OR6K3: variants seen among roughly 807,000 people sequenced by gnomAD.
The protein encoded by OR6K3 is olfactory receptor family 6 subfamily K member 3, also known as olfactory receptor 6K3.
For missense variants in OR6K3, 396 were observed against 382.5 expected, an observed-to-expected ratio of 1.04 and a Z score of -0.29; for synonymous variants, 169 against 137.7, an observed-to-expected ratio of 1.23 and a Z score of -1.59.
At chr1:158,719,574 CT>C (rs1348236741) in intron 1 of OR6K3, among the ~76,000 whole-genome samples, 1 of 151,938 alleles carries the variant, frequency 6.6e-6, no homozygotes, top group Non-Finnish European at 1.5e-5. Flanking sequence ...TAACATATCT[CT>C]CCCTCCTCTG....
Position 158,717,683 on chromosome 1 carries a change from A to C in OR6K3, c.433T>G (p.Ser145Ala). 1 of 1,613,856 alleles carries C rather than the reference A, an allele frequency of 6.2e-7. No individual in the cohort carries two copies. The highest frequency in any genetic ancestry group is 8.5e-7 in the Non-Finnish European group (1 of 1,179,862). ...IMTPRLCAQL[S>A]AGSCLFGFLI... ...AAACCGAAGAGGCAGGAACCTGCAG[A>C]GAGTTGAGCACAGAGCCGGGGGGTC... The change falls in exon 2 of 2, where the codon TCT becomes GCT. Residue 145 changes from serine (S) to alanine (A), a missense_variant. Coordinates refer to ENST00000368145, the MANE Select transcript of OR6K3 (RefSeq NM_001005327.3).
At chr1:158,722,251 A>C (rs1656295919), upstream of OR6K3, among the ~76,000 whole-genome samples, 1 of 152,054 alleles carries the variant, frequency 6.6e-6, no homozygotes. Flanking sequence ...AAAAATAAGA[A>C]TATTAAATAT....
upstream of OR6K3, chr1:158,724,711 G>A (rs556590305): frequency 1.8e-5 from 4 of 225,686 alleles, no homozygotes; most frequent in Non-Finnish European, 3.8e-5. Flanking sequence ...AATGGCCATG[G>A]TGGTCAACAA....
In OR6K3 at chr1:158,717,510, A is replaced by G. The variant is rs1222840091; in HGVS notation, c.606T>C (p.His202=). 5 of 1,613,662 alleles carry G rather than the reference A, an allele frequency of 3.1e-6. No homozygotes were observed. In the African/African-American group the frequency reaches 6.7e-5, roughly 22 times the overall value. ...TSMILIEDVI[H]AVTIIITFLI... ...GGAAGGTAATGATGATGGTCACAGC[A>G]TGAATCACATCCTCAATCAGAATCA... Residue 202 remains histidine, a synonymous_variant, in exon 2 of 2, where the codon CAT becomes CAC. Transcript: ENST00000368145.
At chr1:158,722,198 G>A (rs1571572706), upstream of OR6K3, among the ~76,000 whole-genome samples, 1 of 152,072 alleles carries the variant, frequency 6.6e-6, no homozygotes, top group South Asian at 2.1e-4. Flanking sequence ...ATCTGTGTTT[G>A]TCTGTGTGTG....
chr1:158,718,461 T>A (rs1008287444), intron 1 of OR6K3, among the ~76,000 whole-genome samples: 51 of 151,348 alleles, frequency 3.4e-4, no homozygotes, highest in African/African-American at 1.2e-3. Flanking sequence ...TCTCCAAATG[T>A]TTTAATAATA....
upstream of OR6K3, among the ~76,000 whole-genome samples, chr1:158,723,217 T>C (rs59118641): frequency 0.027 from 2,945 of 110,224 alleles, 89 homozygotes; most frequent in African/African-American, 0.084. Context: ...TATATTTCTA[T>C]TACCTATCTG....
upstream of OR6K3, chr1:158,724,086 A>T (rs973687909): frequency 2.0e-5 from 3 of 152,514 alleles, no homozygotes; most frequent in African/African-American, 7.2e-5. Context: ...AGTAACATCC[A>T]CAGTGAAAGG....
At position 158,716,571 on chromosome 1, in the gene OR6K3, T is replaced by A. The variant is rs1248489676; in HGVS notation, c.*597A>T. ...CATTGTCAGCTTCTGAAGCTCAAGC[T>A]CTGTAGTTCTAACCCTCTAAAGTGG... On this transcript the variant is annotated 3_prime_UTR_variant, in exon 2 of 2. Transcript: ENST00000368145. 6.6e-6 allele frequency: 1 copy of A among 152,248 alleles called. No individual in the cohort carries two copies. The highest frequency in any genetic ancestry group is 2.4e-5 in the African/African-American group (1 of 41,446). The allele number at this position is 152,248 out of a possible 1,614,324, so 9.4% of individuals were successfully genotyped here. A position where few individuals can be genotyped will look rare whatever the true frequency, so the allele number is the denominator to read the frequency against.
At chr1:158,721,016 A>C (rs73013607), upstream of OR6K3, among the ~76,000 whole-genome samples, 2,951 of 152,080 alleles carry the variant, frequency 0.019, 88 homozygotes, top group African/African-American at 0.067. Context: ...TGATTGTCTC[A>C]GCTGTTCTTG....
At chr1:158,722,642 C>T (rs572115356), upstream of OR6K3, among the ~76,000 whole-genome samples, 1 of 152,092 alleles carries the variant, frequency 6.6e-6, no homozygotes, top group East Asian at 1.9e-4. Flanking sequence ...TTGTCCAACA[C>T]CGGGCAGATA....
At chr1:158,724,244 C>G (rs1350474762), upstream of OR6K3, 1 of 156,898 alleles carries the variant, frequency 6.4e-6, no homozygotes, top group East Asian at 1.9e-4. Flanking sequence ...ATCAGTGCAA[C>G]AGCTGTGTCC....
chr1:158,723,892 ACAT>A (rs1355866030), upstream of OR6K3, among the ~76,000 whole-genome samples: 3 of 152,090 alleles, frequency 2.0e-5, no homozygotes, highest in African/African-American at 7.2e-5. Flanking sequence ...AATGGCTTAA[ACAT>A]CATATTTCCT....
At chr1:158,724,202 T>C (rs1327293954), upstream of OR6K3, 2 of 154,464 alleles carry the variant, frequency 1.3e-5, no homozygotes, top group Non-Finnish European at 2.9e-5. Context: ...CTATAGATGA[T>C]AGGGTTGAAA....
At chr1:158,718,306 CAT>C (rs1656216261) in intron 1 of OR6K3, 174 bp from the exon 2 acceptor site, 1 of 440,522 alleles carries the variant, frequency 2.3e-6, no homozygotes, top group African/African-American at 2.1e-5. Flanking sequence ...TCATATCAAA[CAT>C]TTTTTTTTGT....
At chr1:158,718,195 A>T in intron 1 of OR6K3, 63 bp from the exon 2 acceptor site, 7 of 835,046 alleles carry the variant, frequency 8.4e-6, no homozygotes, top group African/African-American at 1.7e-5. Flanking sequence ...AATAAGATGT[A>T]CAGCTAAACA....
At chr1:158,720,952 TC>T (rs1389215889), upstream of OR6K3, among the ~76,000 whole-genome samples, 2 of 152,006 alleles carry the variant, frequency 1.3e-5, no homozygotes, top group Admixed American at 1.3e-4. Flanking sequence ...TATATATTTT[TC>T]CTGATTGTAC....
intron 1 of OR6K3, 69 bp from the exon 2 acceptor site, chr1:158,718,201 A>G: frequency 3.7e-6 from 3 of 820,456 alleles, no homozygotes; most frequent in Non-Finnish European, 5.9e-6. Context: ...ATGTACAGCT[A>G]AACATCTTTG....
chr1:158,719,135 A>C lies in OR6K3; in HGVS notation c.-17-1003T>G, dbSNP rs1656236822. On this transcript the variant is annotated intron_variant, in intron 1 of 1. Transcript: ENST00000368145. ...GTTTCCACGATTCCATTCTCAAGGG[A>C]CGTGACGCCCAGATAGCTTTAAAGG... Among the ~76,000 whole-genome samples, 5 of 151,874 alleles carry C rather than the reference A, an allele frequency of 3.3e-5. No homozygotes were observed. In the South Asian group the frequency reaches 8.3e-4, roughly 25 times the overall value.
Sources: allele counts gnomAD v4.1 joint callset (sites outside exome capture counted in the v4.1 genomes callset), GRCh38; gene constraint gnomAD v4.1.1; transcripts MANE v1.5; gene names NCBI Gene and HGNC (gene_info 2026-07-23, HGNC 2026-07-21).